ZMPSTE24: variants seen among roughly 807,000 people sequenced by gnomAD.
The protein encoded by ZMPSTE24 is zinc metallopeptidase STE24.
ZMPSTE24 carries 48 observed loss-of-function variants against 56.7 expected under a neutral mutation model. The observed-to-expected ratio is 0.85, with a 90% CI of 0.67 to 1.08. The LOEUF (loss-of-function observed/expected upper bound fraction) is 1.08, where lower values mean the gene tolerates loss of function less well. Among genes scored for constraint, ZMPSTE24 ranks in the 50% least tolerant of loss-of-function variants. ZMPSTE24 has a pLI of 0.00. For missense variants in ZMPSTE24, 503 were observed against 548.7 expected (o/e 0.92, Z 0.83); for synonymous variants, 172 against 195.2 (o/e 0.88, Z 0.99).
At chr1:40,263,126 A>T (rs1643515105) in intron 2 of ZMPSTE24, 1 of 427,080 alleles carries the variant, frequency 2.3e-6, no homozygotes, top group Non-Finnish European at 3.1e-6. Context: ...GATAGACAGT[A>T]GCTTGGTAAT....
intron 8 of ZMPSTE24, among the ~76,000 whole-genome samples, chr1:40,287,720 A>T (rs923947116): frequency 6.6e-6 from 1 of 151,982 alleles, no homozygotes; most frequent in African/African-American, 2.4e-5. Flanking sequence ...AAATTGTAGA[A>T]AATACAAAAA....
intron 2 of ZMPSTE24, chr1:40,262,893 C>G: frequency 5.2e-6 from 6 of 1,150,186 alleles, no homozygotes; most frequent in Non-Finnish European, 6.5e-6. Context: ...CTCAAGAGTT[C>G]TTGTTCTATA....
chr1:40,271,574 A>G (rs1643614451), intron 5 of ZMPSTE24, among the ~76,000 whole-genome samples: 1 of 152,242 alleles, frequency 6.6e-6, no homozygotes, highest in Non-Finnish European at 1.5e-5. Flanking sequence ...ATGAAGCATC[A>G]GAAATCCCCA....
intron 6 of ZMPSTE24, among the ~76,000 whole-genome samples, chr1:40,277,738 G>A (rs993064598): frequency 6.6e-6 from 1 of 151,990 alleles, no homozygotes; most frequent in Non-Finnish European, 1.5e-5. Flanking sequence ...GGAGGCCCAG[G>A]TAGGCAGATC....
chr1:40,290,866 C>T lies in ZMPSTE24; in HGVS notation c.1072C>T (p.Leu358=). Residue 358 remains leucine, a synonymous_variant, in exon 9 of 10, where the codon CTG becomes TTG. Transcript: ENST00000372759. ...NIIISQMNSF[L]CFFLFAVLIG... ...TCCTTCTTTCTAGATGAATTCTTTC[C>T]TGTGTTTTTTTTTATTTGCTGTATT... The T allele has an allele frequency of 6.2e-7, 1 of 1,613,792 alleles. No homozygotes were observed. The highest frequency in any genetic ancestry group is 8.5e-7 in the Non-Finnish European group (1 of 1,179,960).
At position 40,290,900 on chromosome 1, in the gene ZMPSTE24, G is replaced by A. The variant is rs41268053; in HGVS notation, c.1106G>A (p.Arg369Gln). The change falls in exon 9 of 10, where the codon CGA becomes CAA. Residue 369 changes from arginine (R) to glutamine (Q), a missense_variant. Physicochemically the swap from Arg to Gln is conservative, Grantham distance 43. Transcript: ENST00000372759. ...CFFLFAVLIGRKELFAAFGFY... is the reference protein window; with the variant it reads ...CFFLFAVLIGQKELFAAFGFY... ...TTTTTATTTGCTGTATTAATTGGTC[G>A]AAAGGAGCTTTTTGCTGCATTTGGT... The A allele has an allele frequency of 5.7e-4, 920 of 1,613,876 alleles. 6 individuals are homozygous for A. The highest frequency in any genetic ancestry group is 2.6e-3 in the Middle Eastern group (16 of 6,062).
At position 40,292,549 on chromosome 1, in the gene ZMPSTE24, C is replaced by A; in HGVS notation, c.1308C>A (p.Ile436=). ...CTAAAGACTTATATTCTGCTTTAAT[C>A]AAACTTAACAAAGATAACTTGGGAT... ...GKAKDLYSAL[I]KLNKDNLGFP... Residue 436 remains isoleucine (I), a synonymous_variant, in exon 10 of 10, where the codon ATC becomes ATA. Transcript: ENST00000372759. 6.2e-7 allele frequency: 1 copy of A among 1,614,106 alleles called. No individual in the cohort carries two copies. The highest frequency in any genetic ancestry group is 1.1e-5 in the South Asian group (1 of 91,062).
intron 1 of ZMPSTE24, 147 bp downstream of exon 1, chr1:40,258,541 G>T: frequency 7.1e-7 from 1 of 1,406,366 alleles, no homozygotes; most frequent in Non-Finnish European, 9.8e-7. Flanking sequence ...TTGGCCCGAT[G>T]GCGGACTGTG....
At chr1:40,269,408 G>A (rs1388461830) in intron 4 of ZMPSTE24, among the ~76,000 whole-genome samples, 2 of 151,240 alleles carry the variant, frequency 1.3e-5, no homozygotes, top group African/African-American at 2.4e-5. Context: ...AAAAAAAAAA[G>A]AAATTTATGT....
intron 2 of ZMPSTE24, chr1:40,262,993 A>AT: frequency 2.0e-6 from 2 of 995,216 alleles, no homozygotes; most frequent in Non-Finnish European, 2.4e-6. Flanking sequence ...GGTAGACACT[A>AT]TTCTCTTTCT....
At chr1:40,292,000 C>G (rs1643848910) in intron 9 of ZMPSTE24, among the ~76,000 whole-genome samples, 2 of 152,074 alleles carry the variant, frequency 1.3e-5, no homozygotes, top group Non-Finnish European at 2.9e-5. Context: ...ATCACCACGC[C>G]CAGCTAATTT....
chr1:40,271,187 C>T (rs952186917), intron 5 of ZMPSTE24, among the ~76,000 whole-genome samples: 2 of 152,146 alleles, frequency 1.3e-5, no homozygotes, highest in African/African-American at 2.4e-5. Flanking sequence ...GCCTTGGCCT[C>T]CTGAGTAGCT....
intron 4 of ZMPSTE24, among the ~76,000 whole-genome samples, chr1:40,269,337 G>A (rs973293754): frequency 1.3e-5 from 2 of 151,930 alleles, no homozygotes; most frequent in African/African-American, 2.4e-5. Context: ...TGAGGCTACG[G>A]TGAGCCATCA....
At chr1:40,270,198 A>T in intron 5 of ZMPSTE24, 71 bp downstream of exon 5, 3 of 1,532,280 alleles carry the variant, frequency 2.0e-6, no homozygotes, top group Non-Finnish European at 2.7e-6. Flanking sequence ...CTTCATTGGC[A>T]TGTAAACAGT....
intron 6 of ZMPSTE24, among the ~76,000 whole-genome samples, chr1:40,278,637 C>T (rs1033946752): frequency 8.7e-5 from 13 of 149,418 alleles, no homozygotes; most frequent in Non-Finnish European, 1.6e-4. Context: ...ATATTAGGCT[C>T]GCTTCATAAA....
In ZMPSTE24 at chr1:40,272,035, G is replaced by C. The variant is rs751018350; in HGVS notation, c.769G>C (p.Gly257Arg). ...TTTGACGAAGGTGTATGTTGTGGAA[G>C]GTAAGGCTACCTGGGGATAAGAAAG... Reference protein sequence around the residue: ...FPLTKVYVVEGSKRSSHSNAY... With the variant: ...FPLTKVYVVERSKRSSHSNAY... Residue 257 changes from glycine (G) to arginine (R), a missense_variant and splice_region_variant, in exon 6 of 10, where the codon GGA becomes CGA. Physicochemically the swap from Gly to Arg is moderately radical, Grantham distance 125. Coordinates refer to ENST00000372759, the MANE Select transcript of ZMPSTE24 (RefSeq NM_005857.5). 1 of 1,601,292 alleles carries C rather than the reference G, an allele frequency of 6.2e-7. No individual in the cohort carries two copies. Among genetic ancestry groups the C allele is most frequent in the Non-Finnish European group, 8.5e-7 (1 of 1,173,254 alleles).
At position 40,268,412 on chromosome 1, in the gene ZMPSTE24, T is replaced by C. The variant is rs769628935; in HGVS notation, c.358-7T>C. 39 of 1,605,464 alleles carry C rather than the reference T, an allele frequency of 2.4e-5. No individual in the cohort carries two copies. The South Asian group carries it at 3.1e-4, about 13-fold the overall frequency. On this transcript the variant is annotated splice_region_variant and splice_polypyrimidine_tract_variant and intron_variant, in intron 3 of 9. Transcript: ENST00000372759. The stretch of plus-strand genomic sequence containing the variant: ...AAAACTGGATTTTTGTTTTTTCTTT[T>C]GTTTAGATCACTCAGTCCCTGGTGT...
intron 6 of ZMPSTE24, among the ~76,000 whole-genome samples, chr1:40,275,398 C>T (rs1271568012): frequency 6.6e-6 from 1 of 151,778 alleles, no homozygotes; most frequent in African/African-American, 2.4e-5. Context: ...CGTGCCACTG[C>T]ACTCCAGCCT....
At chr1:40,280,111 C>T (rs1356263324) in intron 6 of ZMPSTE24, among the ~76,000 whole-genome samples, 1 of 152,080 alleles carries the variant, frequency 6.6e-6, no homozygotes. Context: ...GGCTTTTTCA[C>T]CTTTCCAGTT....
Sources: gnomAD v4.1 joint callset for allele counts (sites outside exome capture counted in the v4.1 genomes callset) on GRCh38, gnomAD v4.1.1 for gene constraint, MANE v1.5 for transcripts, NCBI Gene and HGNC (gene_info 2026-07-23, HGNC 2026-07-21) for gene names.